Variants in LRP1B observed in about 807,000 individuals in gnomAD.
The protein encoded by LRP1B is LDL receptor related protein 1B.
A neutral mutation model predicts 556.6 loss-of-function variants in LRP1B; 217 were observed. The observed-to-expected ratio is 0.39, with a 90% CI of 0.35 to 0.44. The LOEUF is 0.44. LRP1B is among the 20% of genes least tolerant of loss of function. LRP1B has a pLI of 1.00. For missense variants in LRP1B, 5,053 were observed against 5,620.8 expected (o/e 0.90, Z 3.23); for synonymous variants, 2,047 against 1,865.8 (o/e 1.10, Z -2.50).
chr2:141,437,370 G>A (rs1680798975), intron 3 of LRP1B, among the ~76,000 whole-genome samples: 1 of 151,936 alleles, frequency 6.6e-6, no homozygotes. Context: ...AGATTAATAA[G>A]GGACTAGCTG....
At chr2:140,335,524 A>G (rs1207838214) in intron 78 of LRP1B, 91 bp downstream of exon 78, 1 of 781,402 alleles carries the variant, frequency 1.3e-6, no homozygotes, top group Non-Finnish European at 2.3e-6. Context: ...TTACACATTG[A>G]ACACTCATTA....
At chr2:140,966,959 T>G (rs937453690) in intron 18 of LRP1B, among the ~76,000 whole-genome samples, 2 of 152,140 alleles carry the variant, frequency 1.3e-5, no homozygotes, top group Non-Finnish European at 2.9e-5. Context: ...TGTAGTATAG[T>G]TTGAAGTCAG....
At chr2:141,430,803 CAG>C (rs1404094211) in intron 3 of LRP1B, among the ~76,000 whole-genome samples, 1 of 151,876 alleles carries the variant, frequency 6.6e-6, no homozygotes, top group Non-Finnish European at 1.5e-5. Context: ...AGGGATTTTG[CAG>C]AGACAATTAA....
chr2:141,211,850 C>T (rs956395885), intron 6 of LRP1B, among the ~76,000 whole-genome samples: 2 of 152,144 alleles, frequency 1.3e-5, no homozygotes, highest in African/African-American at 4.8e-5. Context: ...TTGTAACTGT[C>T]CTTTTTTGAC....
intron 3 of LRP1B, among the ~76,000 whole-genome samples, chr2:141,274,974 A>C (rs1377273996): frequency 6.6e-6 from 1 of 152,220 alleles, no homozygotes; most frequent in Non-Finnish European, 1.5e-5. Context: ...ATACAGAAGC[A>C]ACAATACAGA....
At chr2:140,796,502 T>G (rs1221296679) in intron 32 of LRP1B, among the ~76,000 whole-genome samples, 1 of 152,114 alleles carries the variant, frequency 6.6e-6, no homozygotes, top group Non-Finnish European at 1.5e-5. Flanking sequence ...GCAATTACTT[T>G]TCATTAATGG....
At chr2:141,634,381 T>C (rs1467388431) in intron 2 of LRP1B, among the ~76,000 whole-genome samples, 1 of 151,946 alleles carries the variant, frequency 6.6e-6, no homozygotes, top group Non-Finnish European at 1.5e-5. Context: ...TACTATTTTA[T>C]AGAAATTAGC....
chr2:141,443,672 T>G (rs10221845), intron 3 of LRP1B, among the ~76,000 whole-genome samples: 30,175 of 152,126 alleles, frequency 0.2, 3,687 homozygotes, highest in East Asian at 0.45. Flanking sequence ...TCAACACCAT[T>G]TATTAAACAG....
chr2:141,350,959 A>G (rs982616651), intron 3 of LRP1B, among the ~76,000 whole-genome samples: 2 of 152,074 alleles, frequency 1.3e-5, no homozygotes, highest in Non-Finnish European at 2.9e-5. Flanking sequence ...AGGTGATTAT[A>G]TGTAACTCTT....
chr2:140,849,691 C>T (rs1190688261), intron 29 of LRP1B, among the ~76,000 whole-genome samples: 1 of 151,944 alleles, frequency 6.6e-6, no homozygotes, highest in Non-Finnish European at 1.5e-5. Flanking sequence ...ATGTGTGCAC[C>T]ACCACATTTG....
At chr2:141,879,793 T>C (rs978307850) in intron 1 of LRP1B, among the ~76,000 whole-genome samples, 2 of 152,048 alleles carry the variant, frequency 1.3e-5, no homozygotes, top group African/African-American at 4.8e-5. Context: ...CTCATAATTA[T>C]AATTAGCAGA....
chr2:140,623,227 CT>C (rs149260545), intron 41 of LRP1B, among the ~76,000 whole-genome samples: 6,398 of 152,190 alleles, frequency 0.042, 179 homozygotes, highest in Middle Eastern at 0.082. Context: ...TTTTGTAGTC[CT>C]TTTCCTCTAT....
At position 141,182,277 on chromosome 2, in the gene LRP1B, G is replaced by A. The variant is rs535026777; in HGVS notation, c.1013+6144C>T. Among the ~76,000 whole-genome samples the A allele has an allele frequency of 4.4e-4, 67 of 152,134 alleles. 1 individual carries two copies. Among genetic ancestry groups the A allele is most frequent in the African/African-American group, 1.3e-3 (55 of 41,560 alleles). On this transcript the variant is annotated intron_variant, in intron 7 of 90. Transcript: ENST00000389484. ...AAAATGTTACATAATACCACCCACT[G>A]AATCTGTGGGCTATAGATAAAAAAG...
At chr2:140,537,096 G>A (rs570471447) in intron 45 of LRP1B, among the ~76,000 whole-genome samples, 140 of 150,798 alleles carry the variant, frequency 9.3e-4, no homozygotes, top group African/African-American at 3.3e-3. Flanking sequence ...GTTTGAACCC[G>A]GGAGGCAGAG....
intron 3 of LRP1B, among the ~76,000 whole-genome samples, chr2:141,477,467 A>G (rs2105083278): frequency 6.6e-6 from 1 of 152,244 alleles, no homozygotes; most frequent in Middle Eastern, 3.4e-3. Flanking sequence ...TGTGACCACA[A>G]ATTAGGAGGA....
chr2:142,078,528 A>G (rs1024812261), intron 1 of LRP1B, among the ~76,000 whole-genome samples: 1 of 152,164 alleles, frequency 6.6e-6, no homozygotes, highest in African/African-American at 2.4e-5. Context: ...CTTAATAACT[A>G]TTTAATGCTA....
intron 36 of LRP1B, 74 bp downstream of exon 36, chr2:140,716,608 G>T (rs1574275327): frequency 5.5e-6 from 8 of 1,442,144 alleles, no homozygotes; most frequent in African/African-American, 2.9e-5. Context: ...AGTTAGAAAA[G>T]ATTTTTTATG....
At chr2:141,795,893 T>TATATAC (rs1695794769) in intron 2 of LRP1B, among the ~76,000 whole-genome samples, 1 of 78,232 alleles carries the variant, frequency 1.3e-5, no homozygotes, top group Non-Finnish European at 2.7e-5. Flanking sequence ...TATATATATA[T>TATATAC]ATATATAATC....
rs142048234 is a variant in LRP1B at position 140,822,088 on chromosome 2, G to A, written c.5210-8282C>T. Among the ~76,000 whole-genome samples, 831 of 152,218 alleles carry A rather than the reference G, an allele frequency of 5.5e-3. 12 individuals are homozygous for A. The highest frequency in any genetic ancestry group is 0.018 in the African/African-American group (766 of 41,538). ...AGATTCCTAAGAATATCCATGAAGG[G>A]TAATGTTGATTGACAAGCCAAGTTC... is the stretch of plus-strand genomic sequence containing the variant. On this transcript the variant is annotated intron_variant, in intron 31 of 90. Coordinates refer to ENST00000389484, the MANE Select transcript of LRP1B (RefSeq NM_018557.3).
Sources: allele counts gnomAD v4.1 joint callset (sites outside exome capture counted in the v4.1 genomes callset), GRCh38; gene constraint gnomAD v4.1.1; transcripts MANE v1.5; gene names NCBI Gene and HGNC (gene_info 2026-07-23, HGNC 2026-07-21).